Variants in CCNA1 observed in about 807,000 individuals in gnomAD.
CCNA1 encodes the protein cyclin A1, also known as cyclin-A1.
In CCNA1, 23 loss-of-function variants were observed where a neutral mutation model predicts 54.1. The ratio of observed to expected loss-of-function variants is 0.42; its 90% CI spans 0.31 to 0.60. The LOEUF (loss-of-function observed/expected upper bound fraction) is 0.60. Ranked by LOEUF, CCNA1 falls within the 20% of genes least tolerant of loss-of-function variation. The probability of loss-of-function intolerance (pLI) is 0.14; values close to 1 mark genes in which losing one functional copy is unlikely to be tolerated. For synonymous variants in CCNA1, 208 were observed against 213.9 expected (o/e 0.97, Z 0.24); for missense variants, 450 against 556.7 (o/e 0.81, Z 1.93).
chr13:36,434,835 C>CCT (rs1555270073), intron 2 of CCNA1, among the ~76,000 whole-genome samples: 1 of 145,178 alleles, frequency 6.9e-6, no homozygotes, highest in Non-Finnish European at 1.5e-5. Context: ...TGCCCCCCCC[C>CCT]CCGCGCCATG....
chr13:36,442,316 A>G lies in CCNA1; in HGVS notation c.1346+12A>G, dbSNP rs745986380. 1.1e-5 allele frequency: 18 copies of G among 1,612,756 alleles called. No individual in the cohort carries two copies. The highest frequency in any genetic ancestry group is 1.4e-5 in the Non-Finnish European group (16 of 1,179,034). ...TACAAGGCTTCAAAGTAAGTCACTG[A>G]CATTTTCATATCTTAGCTCTCTATT... On this transcript the variant is annotated intron_variant, in intron 8 of 8. Coordinates refer to ENST00000255465, the MANE Select transcript of CCNA1 (RefSeq NM_003914.4).
At chr13:36,440,761 T>C (rs950493215) in intron 6 of CCNA1, among the ~76,000 whole-genome samples, 2 of 152,194 alleles carry the variant, frequency 1.3e-5, no homozygotes, top group South Asian at 2.1e-4. Context: ...GCCTGATAGA[T>C]TAATAGCTTT....
At chr13:36,440,910 T>C (rs1478799602) in intron 6 of CCNA1, among the ~76,000 whole-genome samples, 1 of 152,240 alleles carries the variant, frequency 6.6e-6, no homozygotes, top group Non-Finnish European at 1.5e-5. Flanking sequence ...CAAATACTTT[T>C]GTATTGACAT....
rs1555270072 is a variant in CCNA1, at chr13:36,434,833, C to CCCG, written c.297+1614_297+1615insGCC. On this transcript the variant is annotated intron_variant, in intron 2 of 8. Transcript: ENST00000255465. Reference sequence around the variant, plus strand: ...CCTGCTGTCATGAGAGGTGCCCCCCCCCCCGCGCCATGCGTACAATATACT... The same window carrying CCCG: ...CCTGCTGTCATGAGAGGTGCCCCCCCCCGCCCCGCGCCATGCGTACAATATACT... Among the ~76,000 whole-genome samples, 108 of 148,998 alleles carry CCCG rather than the reference C, an allele frequency of 7.2e-4. 3 individuals carry two copies. The highest frequency in any genetic ancestry group is 2.8e-3 in the East Asian group (14 of 5,046).
intron 2 of CCNA1, among the ~76,000 whole-genome samples, 185 bp from the exon 3 acceptor site, chr13:36,437,444 C>G (rs1379522094): frequency 6.6e-6 from 1 of 151,068 alleles, no homozygotes; most frequent in Non-Finnish European, 1.5e-5. Context: ...CAAATGTAGA[C>G]AAAGATAAGG....
At chr13:36,433,431 T>TTTCG (rs1555269923) in intron 2 of CCNA1, among the ~76,000 whole-genome samples, 92 of 94,572 alleles carry the variant, frequency 9.7e-4, no homozygotes, top group African/African-American at 3.6e-3. Context: ...TCTTTCTTTC[T>TTTCG]TTCTTTCTTT....
intron 4 of CCNA1, among the ~76,000 whole-genome samples, 160 bp from the exon 5 acceptor site, chr13:36,438,484 C>T (rs2055835388): frequency 1.3e-5 from 2 of 151,842 alleles, no homozygotes; most frequent in South Asian, 4.1e-4. Context: ...CTTTACAGAA[C>T]CAGAAATTTA....
chr13:36,437,847 C>T lies in CCNA1; in HGVS notation c.516C>T (p.Asp172=), dbSNP rs201364984. Residue 172 remains aspartate (D), a synonymous_variant, in exon 3 of 9, where the codon GAC becomes GAT. Transcript: ENST00000255465. The stretch of plus-strand genomic sequence containing the variant: ...TAGACACCGGCACACTCAAGTCAGA[C>T]CTGCACTTCCTGCTGGATTTCAACA... 1.2e-6 allele frequency: 2 copies of T among 1,613,896 alleles called. No homozygotes were observed. Among genetic ancestry groups the T allele is most frequent in the Admixed American group, 3.3e-5 (2 of 60,020 alleles).
intron 1 of CCNA1, 110 bp downstream of exon 1, chr13:36,432,839 G>T: frequency 1.0e-6 from 1 of 974,084 alleles, no homozygotes; most frequent in Non-Finnish European, 1.6e-6. Context: ...TCAAATAACT[G>T]TTTTGATTCA....
rs1419517498 is a variant in CCNA1 at position 36,442,293 on chromosome 13, C to T, written c.1335C>T (p.Tyr445=). 1 of 1,613,814 alleles carries T rather than the reference C, an allele frequency of 6.2e-7. No homozygotes were observed. Among genetic ancestry groups the T allele is most frequent in the African/African-American group, 1.3e-5 (1 of 75,010 alleles). Residue 445 remains tyrosine (Y), a synonymous_variant, in exon 8 of 9, where the codon TAC becomes TAT. Transcript: ENST00000255465. ...CTCAGCAAGCAATTAGGGAGAAGTA[C>T]AAGGCTTCAAAGTAAGTCACTGACA...
At chr13:36,433,595 C>T (rs1412538018) in intron 2 of CCNA1, among the ~76,000 whole-genome samples, 2 of 141,668 alleles carry the variant, frequency 1.4e-5, no homozygotes, top group Admixed American at 7.4e-5. Flanking sequence ...GGCTGGAGTG[C>T]AGTGACGCGA....
chr13:36,442,116 T>G (rs2055882298), intron 7 of CCNA1, 55 bp from the exon 8 acceptor site: 1 of 1,449,460 alleles, frequency 6.9e-7, no homozygotes, highest in Non-Finnish European at 9.6e-7. Context: ...TTGGTTATCT[T>G]CGGATATCTA....
chr13:36,436,075 CACTT>C (rs995587644), intron 2 of CCNA1, among the ~76,000 whole-genome samples: 40 of 152,196 alleles, frequency 2.6e-4, no homozygotes, highest in African/African-American at 8.4e-4. Context: ...TATTGTGTCT[CACTT>C]AGAATTTTCA....
intron 2 of CCNA1, among the ~76,000 whole-genome samples, chr13:36,437,320 T>C (rs904273227): frequency 3.9e-5 from 6 of 152,230 alleles, no homozygotes; most frequent in Non-Finnish European, 8.8e-5. Flanking sequence ...TTATATGTGG[T>C]ACCCATTTCA....
rs2055840236 is a variant in CCNA1, at chr13:36,438,759, C to T, written c.785C>T (p.Ala262Val). The change falls in exon 5 of 9, where the codon GCA becomes GTA. Residue 262 changes from alanine to valine, a missense_variant. By Grantham distance (64) the Ala-to-Val change is moderately conservative. Coordinates refer to ENST00000255465, the MANE Select transcript of CCNA1 (RefSeq NM_003914.4). ...GTTGGGGAAGAATATAAACTTCGAG[C>T]AGAGACCCTGTATCTGGCTGTCAAC... 1.2e-6 allele frequency: 2 copies of T among 1,613,900 alleles called. No homozygotes were observed. Among genetic ancestry groups the T allele is most frequent in the Non-Finnish European group, 1.7e-6 (2 of 1,179,932 alleles).
At chr13:36,439,358 C>G (rs528921982) in intron 5 of CCNA1, among the ~76,000 whole-genome samples, 238 of 152,264 alleles carry the variant, frequency 1.6e-3, no homozygotes, top group African/African-American at 5.5e-3. Flanking sequence ...GGCTGAGCTA[C>G]CTTTAAGTGA....
rs1388121804 is a variant in CCNA1 at position 36,442,233 on chromosome 13, G to C, written c.1275G>C (p.Glu425Asp). ...GTGAAATTGTGCCTTGCCTGAGTGA[G>C]CTTCATAAAGCGTACCTTGATATAC... The change falls in exon 8 of 9, where the codon GAG becomes GAC. Residue 425 changes from glutamate to aspartate, a missense_variant. Glu to Asp is a conservative substitution (Grantham distance 45). Coordinates refer to ENST00000255465, the MANE Select transcript of CCNA1 (RefSeq NM_003914.4). 3.1e-6 allele frequency: 5 copies of C among 1,613,784 alleles called. No homozygotes were observed. The highest frequency in any genetic ancestry group is 4.2e-6 in the Non-Finnish European group (5 of 1,179,872).
intron 2 of CCNA1, among the ~76,000 whole-genome samples, chr13:36,435,172 T>G (rs2055787361): frequency 6.6e-6 from 1 of 152,198 alleles, no homozygotes. Flanking sequence ...ATTAAAGTAA[T>G]TTAAGTGCTT....
chr13:36,436,564 G>A (rs2055807987), intron 2 of CCNA1, among the ~76,000 whole-genome samples: 1 of 152,142 alleles, frequency 6.6e-6, no homozygotes, highest in African/African-American at 2.4e-5. Flanking sequence ...CAGTATCTAT[G>A]TAGCAAGAGT....
Sources: allele counts gnomAD v4.1 joint callset (sites outside exome capture counted in the v4.1 genomes callset), GRCh38; gene constraint gnomAD v4.1.1; transcripts MANE v1.5; gene names NCBI Gene and HGNC (gene_info 2026-07-23, HGNC 2026-07-21).